MTUS2: variants seen among roughly 807,000 people sequenced by gnomAD.
MTUS2 encodes the protein microtubule associated scaffold protein 2, also known as microtubule-associated tumor suppressor candidate 2.
A neutral mutation model predicts 114.1 loss-of-function variants in MTUS2; 40 were observed. The observed-to-expected ratio is 0.35, with a 90% confidence interval of 0.27 to 0.46. MTUS2 has a LOEUF of 0.46. Ranked by LOEUF, MTUS2 falls within the 20% of genes least tolerant of loss-of-function variation. The probability of loss-of-function intolerance (pLI) is 1.00; values close to 1 mark genes in which losing one functional copy is unlikely to be tolerated. For synonymous variants in MTUS2, 688 were observed against 672.0 expected (o/e 1.02, Z -0.37); for missense variants, 1,679 against 1,705.4 (o/e 0.98, Z 0.27).
intron 5 of MTUS2, among the ~76,000 whole-genome samples, chr13:29,145,413 G>C (rs1459518610): frequency 1.3e-5 from 2 of 152,070 alleles, no homozygotes; most frequent in African/African-American, 4.8e-5. Flanking sequence ...TCAGCTACCG[G>C]GCAGGTTGAG....
intron 2 of MTUS2, among the ~76,000 whole-genome samples, chr13:28,987,472 G>T (rs1334579894): frequency 6.6e-6 from 1 of 152,038 alleles, no homozygotes; most frequent in African/African-American, 2.4e-5. Flanking sequence ...GGAGATGGGG[G>T]TTGGGCAGCT....
intron 5 of MTUS2, among the ~76,000 whole-genome samples, chr13:29,269,576 T>C (rs1311625741): frequency 6.6e-6 from 1 of 152,122 alleles, no homozygotes; most frequent in Non-Finnish European, 1.5e-5. Flanking sequence ...TTGGTGAAGA[T>C]GTGGAGAAAT....
intron 4 of MTUS2, among the ~76,000 whole-genome samples, chr13:29,060,926 G>A (rs1261428126): frequency 6.6e-6 from 1 of 150,690 alleles, no homozygotes; most frequent in Non-Finnish European, 1.5e-5. Context: ...TCAGCCTCCT[G>A]AGTAGCTGGG....
At position 28,820,625 on chromosome 13, in the gene MTUS2, C is replaced by T. The variant is rs1873823271; in HGVS notation, c.-316+14C>T. 1 of 152,262 alleles carries T rather than the reference C, an allele frequency of 6.6e-6. No individual in the cohort carries two copies. Among genetic ancestry groups the T allele is most frequent in the Admixed American group, 6.5e-5 (1 of 15,280 alleles). The allele number at this position is 152,262 out of a possible 1,614,324, so 9.4% of individuals were successfully genotyped here. A position where few individuals can be genotyped will look rare whatever the true frequency, so the allele number is the denominator to read the frequency against. On this transcript the variant is annotated intron_variant, in intron 1 of 15. Coordinates refer to ENST00000612955, the MANE Select transcript of MTUS2 (RefSeq NM_001033602.4). Reference sequence around the variant, plus strand: ...TTTTTGACCCAGGTGAGCGAATCCTCTGCTGCGCGGTCCGGTGGGGTCGGC... The same window carrying T: ...TTTTTGACCCAGGTGAGCGAATCCTTTGCTGCGCGGTCCGGTGGGGTCGGC...
intron 2 of MTUS2, among the ~76,000 whole-genome samples, chr13:28,888,419 C>CTTT (rs11447851): frequency 2.1e-4 from 28 of 135,774 alleles, no homozygotes; most frequent in Non-Finnish European, 2.8e-4. Context: ...CTCTTGGCAT[C>CTTT]TTTTTTTTTT....
chr13:29,032,477 G>A (rs1287897090), intron 3 of MTUS2, among the ~76,000 whole-genome samples: 3 of 152,098 alleles, frequency 2.0e-5, no homozygotes, highest in Non-Finnish European at 4.4e-5. Context: ...ATTAAAAAAG[G>A]GTATATATGA....
intron 5 of MTUS2, among the ~76,000 whole-genome samples, chr13:29,122,468 A>G (rs749181174): frequency 2.6e-5 from 4 of 152,156 alleles, no homozygotes; most frequent in African/African-American, 9.7e-5. Flanking sequence ...TTACAAAACC[A>G]TCAGATCTCG....
chr13:29,263,692 G>A (rs935119435), intron 5 of MTUS2, among the ~76,000 whole-genome samples: 4 of 152,010 alleles, frequency 2.6e-5, no homozygotes, highest in Non-Finnish European at 5.9e-5. Flanking sequence ...GGTAGGGGTA[G>A]GTGCCACACA....
At chr13:28,834,959 T>A (rs1220414087) in intron 1 of MTUS2, among the ~76,000 whole-genome samples, 3 of 152,126 alleles carry the variant, frequency 2.0e-5, no homozygotes, top group Non-Finnish European at 1.5e-5. Flanking sequence ...ATTAGGGAAA[T>A]GCAAATTAAA....
At chr13:28,950,082 G>C (rs1882733604) in intron 2 of MTUS2, among the ~76,000 whole-genome samples, 1 of 152,188 alleles carries the variant, frequency 6.6e-6, no homozygotes, top group Non-Finnish European at 1.5e-5. Context: ...GTGCACAAGG[G>C]TTCCAATTTT....
chr13:29,441,444 T>C (rs566704325), intron 9 of MTUS2, among the ~76,000 whole-genome samples: 2 of 152,346 alleles, frequency 1.3e-5, no homozygotes, highest in South Asian at 4.1e-4. Context: ...TTTCTATTTG[T>C]TGGGTATCAC....
Position 29,025,122 on chromosome 13 carries a change from G to A in MTUS2, c.424G>A (p.Ala142Thr). ...LSSWRNVMSE[A>T]SLDVLAKRDA... ...GAGTTGGAGGAATGTGATGAGTGAG[G>A]CCAGTCTAGACGTTTTGGCTAAAAG... Residue 142 changes from alanine (A) to threonine (T), a missense_variant, in exon 3 of 16, where the codon GCC becomes ACC. Coordinates refer to ENST00000612955, the MANE Select transcript of MTUS2 (RefSeq NM_001033602.4). 2 of 1,613,922 alleles carry A rather than the reference G, an allele frequency of 1.2e-6. No homozygotes were observed. The highest frequency in any genetic ancestry group is 1.7e-6 in the Non-Finnish European group (2 of 1,179,884).
chr13:29,216,480 C>A (rs990779593), intron 5 of MTUS2, among the ~76,000 whole-genome samples: 2 of 152,176 alleles, frequency 1.3e-5, no homozygotes, highest in African/African-American at 4.8e-5. Flanking sequence ...CTATTTTGTG[C>A]TTGAAACCCA....
intron 5 of MTUS2, among the ~76,000 whole-genome samples, chr13:29,189,775 A>G (rs532296924): frequency 2.0e-5 from 3 of 152,282 alleles, no homozygotes; most frequent in African/African-American, 7.2e-5. Context: ...CTTCCATGAT[A>G]AACCTTTGGA....
intron 5 of MTUS2, among the ~76,000 whole-genome samples, chr13:29,254,828 G>A (rs541285354): frequency 6.6e-6 from 1 of 152,092 alleles, no homozygotes; most frequent in Non-Finnish European, 1.5e-5. Context: ...TCATCTTTTT[G>A]TACTCTTGAT....
chr13:29,467,734 C>T (rs1449421889), intron 9 of MTUS2, among the ~76,000 whole-genome samples: 1 of 152,184 alleles, frequency 6.6e-6, no homozygotes, highest in Non-Finnish European at 1.5e-5. Context: ...TCCTCTCAGA[C>T]CAAGAAGGTT....
intron 9 of MTUS2, among the ~76,000 whole-genome samples, chr13:29,453,779 C>T (rs1201191399): frequency 6.6e-6 from 1 of 152,212 alleles, no homozygotes; most frequent in Non-Finnish European, 1.5e-5. Context: ...AGGAGTAGAG[C>T]AAATGAGTTC....
At chr13:29,454,265 A>T (rs17073426) in intron 9 of MTUS2, among the ~76,000 whole-genome samples, 11,478 of 152,202 alleles carry the variant, frequency 0.075, 522 homozygotes, top group African/African-American at 0.13. Flanking sequence ...AAAGGTCCTG[A>T]TGAAGAACAT....
chr13:29,289,091 G>C (rs957696778), intron 6 of MTUS2, among the ~76,000 whole-genome samples: 1 of 152,166 alleles, frequency 6.6e-6, no homozygotes, highest in African/African-American at 2.4e-5. Flanking sequence ...CCATGTAACT[G>C]TAGAAGATTT....
Sources: gnomAD v4.1 joint callset for allele counts (sites outside exome capture counted in the v4.1 genomes callset) on GRCh38, gnomAD v4.1.1 for gene constraint, MANE v1.5 for transcripts, NCBI Gene and HGNC (gene_info 2026-07-23, HGNC 2026-07-21) for gene names.